Variants in SLC8A1 observed in about 807,000 individuals in gnomAD.
SLC8A1 encodes solute carrier family 8 member A1.
Under a neutral mutation model 68.3 loss-of-function variants are expected in SLC8A1, and 18 were observed. The observed-to-expected ratio is 0.26, with a 90% confidence interval of 0.18 to 0.39. The LOEUF (loss-of-function observed/expected upper bound fraction) is 0.39, where lower values mean the gene tolerates loss of function less well. Among genes scored for constraint, SLC8A1 ranks in the 10% least tolerant of loss-of-function variants. SLC8A1 has a pLI of 1.00. For missense variants in SLC8A1, 985 were observed against 1,156.7 expected (o/e 0.85, Z 2.15); for synonymous variants, 475 against 415.5 (o/e 1.14, Z -1.74).
chr2:40,126,486 G>C (rs1454118315), intron 7 of SLC8A1, among the ~76,000 whole-genome samples: 12 of 152,146 alleles, frequency 7.9e-5, no homozygotes, highest in Admixed American at 5.9e-4. Context: ...GCTGAGAACA[G>C]AGGTGGTAGG....
At chr2:40,368,202 C>T (rs1286422597) in intron 2 of SLC8A1, among the ~76,000 whole-genome samples, 1 of 152,024 alleles carries the variant, frequency 6.6e-6, no homozygotes, top group Non-Finnish European at 1.5e-5. Flanking sequence ...GATGGTGAAC[C>T]AGTTATCAAA....
At chr2:40,223,518 A>T (rs2058608780) in intron 2 of SLC8A1, 1 of 151,922 alleles carries the variant, frequency 6.6e-6, no homozygotes, top group Middle Eastern at 3.2e-3. Flanking sequence ...AGTATATATT[A>T]AAAAAAAGTC....
At chr2:40,443,952 C>G (rs1297946187) in intron 1 of SLC8A1, among the ~76,000 whole-genome samples, 5 of 152,150 alleles carry the variant, frequency 3.3e-5, no homozygotes, top group Non-Finnish European at 5.9e-5. Context: ...ACCACATCAT[C>G]TTTTCTAATG....
chr2:40,437,937 G>A (rs1407147771), intron 1 of SLC8A1, among the ~76,000 whole-genome samples: 1 of 152,074 alleles, frequency 6.6e-6, no homozygotes, highest in Non-Finnish European at 1.5e-5. Flanking sequence ...TGGAAACCAG[G>A]ACCCTTCCAT....
chr2:40,272,894 T>C (rs1225427224), intron 2 of SLC8A1, among the ~76,000 whole-genome samples: 1 of 152,190 alleles, frequency 6.6e-6, no homozygotes, highest in African/African-American at 2.4e-5. Flanking sequence ...AGATGTCTTA[T>C]GCAAAGTTAG....
chr2:40,333,538 A>G (rs1559284128), intron 2 of SLC8A1, among the ~76,000 whole-genome samples: 1 of 152,126 alleles, frequency 6.6e-6, no homozygotes, highest in Non-Finnish European at 1.5e-5. Flanking sequence ...TTGGGGAAAA[A>G]TCTGAATTCT....
intron 2 of SLC8A1, among the ~76,000 whole-genome samples, chr2:40,332,171 G>A (rs115484083): frequency 1.2e-4 from 19 of 152,052 alleles, no homozygotes; most frequent in South Asian, 2.1e-4. Context: ...TGGCAACACC[G>A]TAAGTATTTT....
At chr2:40,451,753 A>T (rs966675552) in intron 1 of SLC8A1, among the ~76,000 whole-genome samples, 151 bp downstream of exon 1, 6 of 150,656 alleles carry the variant, frequency 4.0e-5, no homozygotes, top group South Asian at 2.1e-4. Flanking sequence ...ACACACACAC[A>T]CACACACACA....
At chr2:40,242,168 G>A (rs1475811425) in intron 2 of SLC8A1, among the ~76,000 whole-genome samples, 3 of 151,982 alleles carry the variant, frequency 2.0e-5, no homozygotes, top group Non-Finnish European at 2.9e-5. Context: ...GTGAGAGAGA[G>A]ACAGAGAATA....
chr2:40,183,153 A>G (rs374524582), intron 2 of SLC8A1, among the ~76,000 whole-genome samples: 4 of 152,228 alleles, frequency 2.6e-5, no homozygotes, highest in African/African-American at 9.6e-5. Flanking sequence ...AATGACTCTC[A>G]GAGAAGTTGG....
chr2:40,149,429 G>C (rs2043025423), intron 6 of SLC8A1, among the ~76,000 whole-genome samples: 1 of 152,180 alleles, frequency 6.6e-6, no homozygotes, highest in African/African-American at 2.4e-5. Flanking sequence ...AATGAAGTCT[G>C]GTGACTGGGA....
chr2:40,306,772 A>G (rs781204851), intron 2 of SLC8A1, among the ~76,000 whole-genome samples: 66 of 152,270 alleles, frequency 4.3e-4, no homozygotes, highest in South Asian at 1.2e-3. Flanking sequence ...GCCAGGCTCC[A>G]CGGCTGGTTG....
chr2:40,228,404 C>G (rs1416532370), intron 2 of SLC8A1, among the ~76,000 whole-genome samples: 1 of 152,198 alleles, frequency 6.6e-6, no homozygotes, highest in Non-Finnish European at 1.5e-5. Context: ...TGCGGAAATG[C>G]TGCTGTCTAC....
chr2:40,167,030 C>T (rs909738682), intron 4 of SLC8A1, among the ~76,000 whole-genome samples: 1 of 152,122 alleles, frequency 6.6e-6, no homozygotes, highest in Non-Finnish European at 1.5e-5. Flanking sequence ...AGAGAAATTA[C>T]AAAACAAAGC....
intron 1 of SLC8A1, among the ~76,000 whole-genome samples, chr2:40,457,526 T>C (rs549678581): frequency 1.3e-5 from 2 of 152,292 alleles, no homozygotes; most frequent in East Asian, 1.9e-4. Flanking sequence ...ACTAAACTTA[T>C]GGGTGTTGTA....
intron 1 of SLC8A1, among the ~76,000 whole-genome samples, chr2:40,509,154 A>G (rs1706545633): frequency 1.3e-5 from 2 of 152,202 alleles, no homozygotes; most frequent in African/African-American, 4.8e-5. Flanking sequence ...ATGAGACTTG[A>G]AAACGTCATG....
At chr2:40,283,800 T>C (rs1322119841) in intron 2 of SLC8A1, among the ~76,000 whole-genome samples, 3 of 152,118 alleles carry the variant, frequency 2.0e-5, no homozygotes, top group Non-Finnish European at 2.9e-5. Flanking sequence ...ACGCCGAAGA[T>C]AGAACACGGT....
chr2:40,375,920 G>T (rs113519192), intron 2 of SLC8A1, among the ~76,000 whole-genome samples: 4,057 of 152,150 alleles, frequency 0.027, 79 homozygotes, highest in Non-Finnish European at 0.039. Context: ...AGAGTCGCTT[G>T]AGCTTAGGAG....
chr2:40,161,473 A>G (rs933892639), intron 5 of SLC8A1, among the ~76,000 whole-genome samples: 2 of 152,210 alleles, frequency 1.3e-5, no homozygotes, highest in African/African-American at 2.4e-5. Flanking sequence ...AAAATACAAG[A>G]AAAGTTCAGT....
Sources: allele counts gnomAD v4.1 joint callset (sites outside exome capture counted in the v4.1 genomes callset), GRCh38; gene constraint gnomAD v4.1.1; transcripts MANE v1.5; gene names NCBI Gene and HGNC (gene_info 2026-07-23, HGNC 2026-07-21).